The following CLIP1 variants were observed in gnomAD, a reference collection of about 807,000 sequenced individuals.
CLIP1 encodes the protein CAP-Gly domain-containing linker protein 1.
CLIP1 carries 66 observed loss-of-function variants against 161.6 expected under a neutral mutation model. That is an observed-to-expected ratio of 0.41 (90% CI 0.33 to 0.50). CLIP1 has a LOEUF of 0.50. Among genes scored for constraint, CLIP1 ranks in the 20% least tolerant of loss-of-function variants. CLIP1 has a pLI of 0.27. For missense variants in CLIP1, 1,376 were observed against 1,702.0 expected, an observed-to-expected ratio of 0.81 and a Z score of 3.37; for synonymous variants, 598 against 626.2, an observed-to-expected ratio of 0.96 and a Z score of 0.67.
At chr12:122,396,979 A>T (rs1955936847) in intron 1 of CLIP1, among the ~76,000 whole-genome samples, 1 of 102,798 alleles carries the variant, frequency 9.7e-6, no homozygotes, top group Non-Finnish European at 1.8e-5. Flanking sequence ...GGGTTTTACC[A>T]TGTTGCCTAG....
intron 20 of CLIP1, among the ~76,000 whole-genome samples, chr12:122,306,450 A>C (rs1950877385): frequency 6.6e-6 from 1 of 151,824 alleles, no homozygotes; most frequent in African/African-American, 2.4e-5. Flanking sequence ...CTCACCAAAC[A>C]CCCATGCATT....
chr12:122,387,590 A>ATTTTTTTTTTTT (rs139790813), intron 1 of CLIP1, among the ~76,000 whole-genome samples: 2 of 6,268 alleles, frequency 3.2e-4, no homozygotes, highest in Non-Finnish European at 8.3e-4. Context: ...ATATATATAT[A>ATTTTTTTTTTTT]TTTTTTTTTT....
rs972347473 is a variant in CLIP1, at chr12:122,272,076, T to G, written c.*799A>C. 6.6e-6 allele frequency: 1 copy of G among 152,404 alleles called. No individual in the cohort carries two copies. Among genetic ancestry groups the G allele is most frequent in the African/African-American group, 2.4e-5 (1 of 41,482 alleles). 9.4% of individuals were successfully genotyped at this position (152,404 alleles called of 1,614,324 possible). On this transcript the variant is annotated 3_prime_UTR_variant, in exon 26 of 26. Coordinates refer to ENST00000620786, the MANE Select transcript of CLIP1 (RefSeq NM_001247997.2). Reference sequence around the variant, plus strand: ...GTTATGTCCTAATGATCATTTTAAGTGTTTTCTTTTTCAAAAAGGTAAATG... The same window carrying G: ...GTTATGTCCTAATGATCATTTTAAGGGTTTTCTTTTTCAAAAAGGTAAATG...
chr12:122,402,444 GTCA>G (rs1228028027), intron 1 of CLIP1, among the ~76,000 whole-genome samples: 1 of 151,428 alleles, frequency 6.6e-6, no homozygotes, highest in African/African-American at 2.4e-5. Context: ...GAGAGCTCTG[GTCA>G]TGGCACTGCA....
chr12:122,420,275 G>A (rs1437279102), intron 1 of CLIP1, among the ~76,000 whole-genome samples: 1 of 151,630 alleles, frequency 6.6e-6, no homozygotes, highest in African/African-American at 2.4e-5. Flanking sequence ...AACCCAGTAG[G>A]CAGAGGTTGC....
At chr12:122,353,759 T>C (rs927963739) in intron 7 of CLIP1, among the ~76,000 whole-genome samples, 1 of 151,668 alleles carries the variant, frequency 6.6e-6, no homozygotes, top group Non-Finnish European at 1.5e-5. Context: ...GCCTCCCAAG[T>C]AGCTGGGATT....
intron 24 of CLIP1, chr12:122,277,293 GT>G (rs1392958527): frequency 2.7e-5 from 4 of 150,594 alleles, no homozygotes; most frequent in Admixed American, 6.6e-5. Context: ...TTAAGTAATT[GT>G]TTTGAGACAG....
At chr12:122,389,564 A>C (rs1955492641) in intron 1 of CLIP1, among the ~76,000 whole-genome samples, 1 of 151,904 alleles carries the variant, frequency 6.6e-6, no homozygotes, top group African/African-American at 2.4e-5. Flanking sequence ...TTCGAGACCA[A>C]CCTGGCCAAC....
At chr12:122,415,603 G>A (rs1956724360) in intron 1 of CLIP1, among the ~76,000 whole-genome samples, 2 of 152,062 alleles carry the variant, frequency 1.3e-5, no homozygotes, top group East Asian at 3.9e-4. Flanking sequence ...TGGATCACCT[G>A]AGGTCAGGAG....
chr12:122,396,442 T>A (rs1406718225), intron 1 of CLIP1: 2 of 152,168 alleles, frequency 1.3e-5, no homozygotes, highest in Admixed American at 1.3e-4. Context: ...TATTTCTAAG[T>A]GCTTAAAAAT....
intron 3 of CLIP1, among the ~76,000 whole-genome samples, chr12:122,370,056 A>G (rs1356691351): frequency 2.6e-5 from 4 of 151,804 alleles, no homozygotes; most frequent in Non-Finnish European, 2.9e-5. Flanking sequence ...CCAGCTACTC[A>G]GGAGGCTGGG....
chr12:122,338,053 A>C (rs960599064), intron 11 of CLIP1, among the ~76,000 whole-genome samples: 2 of 149,302 alleles, frequency 1.3e-5, no homozygotes, highest in African/African-American at 4.9e-5. Flanking sequence ...AAAAACCTTA[A>C]GGCCAGGCAC....
At chr12:122,410,348 AT>A (rs559459691) in intron 1 of CLIP1, among the ~76,000 whole-genome samples, 169 of 151,766 alleles carry the variant, frequency 1.1e-3, no homozygotes, top group African/African-American at 3.9e-3. Context: ...TTTGTATACC[AT>A]TTTCATTCGA....
intron 21 of CLIP1, among the ~76,000 whole-genome samples, chr12:122,283,872 C>T (rs1026903315): frequency 1.3e-5 from 2 of 152,144 alleles, no homozygotes; most frequent in Non-Finnish European, 2.9e-5. Flanking sequence ...TTAATGATCA[C>T]TTCTGAATTC....
chr12:122,278,023 C>A (rs1955501443), intron 24 of CLIP1, 131 bp downstream of exon 24: 4 of 770,376 alleles, frequency 5.2e-6, no homozygotes, highest in South Asian at 4.7e-5. Flanking sequence ...AATGTTTGGA[C>A]TAGAGGAATG....
Position 122,390,288 on chromosome 12 carries a change from A to ATATATATATG in CLIP1, c.-106-9731_-106-9730insCATATATATA, listed in dbSNP as rs1955584781. Among the ~76,000 whole-genome samples the ATATATATATG allele has an allele frequency of 1.5e-5, 2 of 131,726 alleles. 1 individual carries two copies. Among genetic ancestry groups the ATATATATATG allele is most frequent in the South Asian group, 4.8e-4 (2 of 4,150 alleles). The allele number at this position is 131,726 out of a possible 152,430, so 86.4% of individuals were successfully genotyped here. On this transcript the variant is annotated intron_variant, in intron 1 of 25. Coordinates refer to ENST00000620786, the MANE Select transcript of CLIP1 (RefSeq NM_001247997.2). ...CACACATATATATATACATATATAT[A>ATATATATATG]TATATATATATATATGTATATATAT...
intron 21 of CLIP1, chr12:122,280,923 G>T (rs954959069): frequency 1.3e-5 from 2 of 152,210 alleles, no homozygotes; most frequent in African/African-American, 4.8e-5. Context: ...CTATTCCAAG[G>T]AACTGGGAAA....
rs770973031 is a variant in CLIP1, at chr12:122,271,745, T to G, written c.*1130A>C. ...TAGATTCAAACTGGTCGATAAACTG[T>G]TCAGGTGCTTTGAGGTCCTTCATTT... is the stretch of plus-strand genomic sequence containing the variant. On this transcript the variant is annotated 3_prime_UTR_variant, in exon 26 of 26. Transcript: ENST00000620786. 6.5e-6 allele frequency: 1 copy of G among 152,768 alleles called. No individual in the cohort carries two copies. Among genetic ancestry groups the G allele is most frequent in the East Asian group, 1.9e-4 (1 of 5,186 alleles). The allele number at this position is 152,768 out of a possible 1,614,324, so 9.5% of individuals were successfully genotyped here. A position where few individuals can be genotyped will look rare whatever the true frequency, so the allele number is the denominator to read the frequency against.
chr12:122,274,299 A>G (rs937516174), intron 24 of CLIP1, 137 bp from the exon 25 acceptor site: 6 of 636,994 alleles, frequency 9.4e-6, no homozygotes, highest in Middle Eastern at 4.0e-4. Flanking sequence ...TTAGGAACCC[A>G]TGCTTTTCAC....
Sources: gnomAD v4.1 joint callset for allele counts (sites outside exome capture counted in the v4.1 genomes callset) on GRCh38, gnomAD v4.1.1 for gene constraint, MANE v1.5 for transcripts, NCBI Gene and HGNC (gene_info 2026-07-23, HGNC 2026-07-21) for gene names.